Variants in ZNF444 observed in about 807,000 individuals in gnomAD.
The protein encoded by ZNF444 is endothelial zinc finger protein 2.
In ZNF444, 8 loss-of-function variants were observed where a neutral mutation model predicts 14.4. The observed-to-expected ratio is 0.56, with a 90% confidence interval of 0.33 to 1.00. ZNF444 has a LOEUF of 1.00. Ranked by LOEUF, ZNF444 falls within the 50% of genes least tolerant of loss-of-function variation. ZNF444 has a pLI of 0.03. For synonymous variants in ZNF444, 258 were observed against 235.9 expected (o/e 1.09, Z -0.86); for missense variants, 510 against 504.8 (o/e 1.01, Z -0.10).
In ZNF444 at chr19:56,160,084, C is replaced by G. The variant is rs374764030; in HGVS notation, c.867C>G (p.Arg289=). Reference sequence around the variant, plus strand: ...GGGAGTGTGGCAAGGGCTTCGGGCGCCGCGAGCACGTGCTGCGCCACCAGC... The same window carrying G: ...GGGAGTGTGGCAAGGGCTTCGGGCGGCGCGAGCACGTGCTGCGCCACCAGC... The part of the protein sequence containing the change: ...ACWECGKGFG[R]REHVLRHQRI... Residue 289 remains arginine, a synonymous_variant, in exon 5 of 5, where the codon CGC becomes CGG. Transcript: ENST00000337080. 2,005 of 1,499,740 alleles carry G rather than the reference C, an allele frequency of 1.3e-3. 28 individuals are homozygous for G. In the African/African-American group the frequency reaches 0.025, roughly 19 times the overall value. The allele number at this position is 1,499,740 out of a possible 1,614,324, so 92.9% of individuals were successfully genotyped here.
chr19:56,134,088 C>G (rs973590128), intron 1 of ZNF444, among the ~76,000 whole-genome samples: 1 of 152,092 alleles, frequency 6.6e-6, no homozygotes, highest in African/African-American at 2.4e-5. Flanking sequence ...GGTTCTCCCC[C>G]TCACACGCTC....
At position 56,159,739 on chromosome 19, in the gene ZNF444, G is replaced by A. The variant is rs2032157462; in HGVS notation, c.522G>A (p.Ala174=). The change falls in exon 5 of 5, where the codon GCG becomes GCA. Residue 174 remains alanine (A), a synonymous_variant. Coordinates refer to ENST00000337080, the MANE Select transcript of ZNF444 (RefSeq NM_018337.4). The stretch of plus-strand genomic sequence containing the variant: ...CGCCTGGCCTGCCCGCCTTCCTAGC[G>A]GCCCCGGGCACCACGTCCTGCCCCG... The part of the protein sequence containing the change: ...PLAPGLPAFL[A]APGTTSCPEC... 1.3e-5 allele frequency: 21 copies of A among 1,583,140 alleles called. No individual in the cohort carries two copies. Among genetic ancestry groups the A allele is most frequent in the Non-Finnish European group, 1.8e-5 (21 of 1,168,826 alleles).
rs887982562 is a variant in ZNF444, at chr19:56,147,491, G to T, written c.297+283G>T. Reference sequence around the variant, plus strand: ...CGGTCACGGCTTATCAGAGAAGGACGTGCTGGAAGCAGCTGGGAAGAAGGC... The same window carrying T: ...CGGTCACGGCTTATCAGAGAAGGACTTGCTGGAAGCAGCTGGGAAGAAGGC... On this transcript the variant is annotated intron_variant, in intron 3 of 4. Transcript: ENST00000337080. The surrounding 1 kb of genome is among the most constrained non-coding windows in gnomAD (Gnocchi z 5.9). 5.9e-5 allele frequency among the ~76,000 whole-genome samples: 9 copies of T among 152,128 alleles called. No individual in the cohort carries two copies. Among genetic ancestry groups the T allele is most frequent in the African/African-American group, 2.2e-4 (9 of 41,420 alleles).
At chr19:56,152,516 G>A (rs889936096) in intron 3 of ZNF444, among the ~76,000 whole-genome samples, 7 of 148,108 alleles carry the variant, frequency 4.7e-5, no homozygotes, top group African/African-American at 1.0e-4. Flanking sequence ...GCTGGTTTAC[G>A]TCTCTGAATA....
Position 56,158,558 on chromosome 19 carries a change from C to G in ZNF444, c.362C>G (p.Pro121Arg). ...TRVPQDVTQG[P>R]GATGGKEDSG... ...GTGCCTCAGGATGTGACGCAGGGCCCTGGGGCCACAGGTGGAAAGGAGGAC... is the reference window on the plus strand; with the variant it reads ...GTGCCTCAGGATGTGACGCAGGGCCGTGGGGCCACAGGTGGAAAGGAGGAC... The change falls in exon 4 of 5, where the codon CCT becomes CGT. Residue 121 changes from proline to arginine, a missense_variant. Physicochemically the swap from Pro to Arg is moderately radical, Grantham distance 103. Transcript: ENST00000337080. 5.6e-6 allele frequency: 9 copies of G among 1,612,090 alleles called. No individual in the cohort carries two copies. Among genetic ancestry groups the G allele is most frequent in the Non-Finnish European group, 7.6e-6 (9 of 1,179,032 alleles).
rs1192761220 is a variant in ZNF444 at position 56,160,018 on chromosome 19, C to G, written c.801C>G (p.Arg267=). The G allele has an allele frequency of 6.6e-7, 1 of 1,513,156 alleles. No individual in the cohort carries two copies. Among genetic ancestry groups the G allele is most frequent in the East Asian group, 2.6e-5 (1 of 38,130 alleles). 93.7% of individuals were successfully genotyped at this position (1,513,156 alleles called of 1,614,324 possible). ...KTFYWREHLV[R]HRKTHSGARP... is the part of the protein sequence containing the mutation. Reference sequence around the variant, plus strand: ...TCTACTGGCGCGAGCACCTGGTGCGCCACCGCAAGACGCACTCGGGAGCGC... The same window carrying G: ...TCTACTGGCGCGAGCACCTGGTGCGGCACCGCAAGACGCACTCGGGAGCGC... Residue 267 remains arginine (R), a synonymous_variant, in exon 5 of 5, where the codon CGC becomes CGG. Transcript: ENST00000337080.
At chr19:56,143,041 G>T (rs530670565) in intron 1 of ZNF444, among the ~76,000 whole-genome samples, 216 of 152,304 alleles carry the variant, frequency 1.4e-3, no homozygotes, top group Non-Finnish European at 2.5e-3. Flanking sequence ...TGTCTTCAAG[G>T]CATCCAGGGT....
chr19:56,147,326 GAGGCTGCGGTAC>G lies in ZNF444; in HGVS notation c.297+133_297+144del, dbSNP rs1045119163. The G allele has an allele frequency of 8.3e-5, 100 of 1,202,086 alleles. No homozygotes were observed. Among genetic ancestry groups the G allele is most frequent in the South Asian group, 1.1e-4 (6 of 54,288 alleles). The allele number at this position is 1,202,086 out of a possible 1,614,324, so 74.5% of individuals were successfully genotyped here. ...GAAAACCAGTGTGACTCGCGGTGGG[GAGGCTGCGGTAC>G]AGGCTGCGGTACAGCGTGGAGGGAC... On this transcript the variant is annotated intron_variant, in intron 3 of 4. Transcript: ENST00000337080. This position sits in a 1 kb window ranked among gnomAD's most constrained non-coding sequence, Gnocchi z 5.9.
rs113110780 is a variant in ZNF444 at position 56,144,325 on chromosome 19, A to C, written c.-196-1922A>C. ...CCCTGTCTTAAAAAAAAGAAAAAAG[A>C]AAAAAAGGGATCCATTGTGGCTGGA... is the stretch of plus-strand genomic sequence containing the variant. On this transcript the variant is annotated intron_variant, in intron 1 of 4. Transcript: ENST00000337080. The surrounding 1 kb of genome is among the most constrained non-coding windows in gnomAD (Gnocchi z 4.0). Among the ~76,000 whole-genome samples, 784 of 152,056 alleles carry C rather than the reference A, an allele frequency of 5.2e-3. 6 individuals carry two copies. The highest frequency in any genetic ancestry group is 6.8e-3 in the Non-Finnish European group (465 of 67,984).
chr19:56,160,534 C>T lies in ZNF444; in HGVS notation c.*333C>T. ...CCAGCCTCCCTCTCCCTCCTCCATT[C>T]CTCTCTCCCTGCCCTTTTCCTGCCT... On this transcript the variant is annotated 3_prime_UTR_variant, in exon 5 of 5. Transcript: ENST00000337080. 1 of 316,606 alleles carries T rather than the reference C, an allele frequency of 3.2e-6. No individual in the cohort carries two copies. The highest frequency in any genetic ancestry group is 5.8e-6 in the Non-Finnish European group (1 of 173,242). The allele number at this position is 316,606 out of a possible 1,614,324, so 19.6% of individuals were successfully genotyped here. A position where few individuals can be genotyped will look rare whatever the true frequency, so the allele number is the denominator to read the frequency against.
chr19:56,137,242 G>A (rs1044691048), upstream of ZNF444, among the ~76,000 whole-genome samples: 10 of 151,098 alleles, frequency 6.6e-5, no homozygotes, highest in Non-Finnish European at 1.3e-4. Context: ...AGGCCGAGGC[G>A]GGCGGATTAC....
In ZNF444 at chr19:56,144,806, G is replaced by A. The variant is rs2031066841; in HGVS notation, c.-196-1441G>A. On this transcript the variant is annotated intron_variant, in intron 1 of 4. Transcript: ENST00000337080. The surrounding 1 kb of genome is among the most constrained non-coding windows in gnomAD (Gnocchi z 4.0). Reference sequence around the variant, plus strand: ...GACCCCAAGTACAGGGCTCCACATAGGACAGAACTGATTCTTTTCTCCCAT... The same window carrying A: ...GACCCCAAGTACAGGGCTCCACATAAGACAGAACTGATTCTTTTCTCCCAT... Among the ~76,000 whole-genome samples, 1 of 152,226 alleles carries A rather than the reference G, an allele frequency of 6.6e-6. No homozygotes were observed. The highest frequency in any genetic ancestry group is 1.5e-5 in the Non-Finnish European group (1 of 68,040).
At chr19:56,148,060 G>C (rs2031315008) in intron 3 of ZNF444, among the ~76,000 whole-genome samples, 1 of 152,186 alleles carries the variant, frequency 6.6e-6, no homozygotes, top group Non-Finnish European at 1.5e-5. Flanking sequence ...GATGTGTTAT[G>C]TGAGCTGCAC....
chr19:56,157,120 A>C (rs1033659098), intron 3 of ZNF444: 1 of 152,486 alleles, frequency 6.6e-6, no homozygotes, highest in Non-Finnish European at 1.5e-5. Flanking sequence ...CCAAGGGCCA[A>C]GGAGCTGGAG....
chr19:56,158,690 AC>A, intron 4 of ZNF444, 88 bp downstream of exon 4: 1 of 1,213,424 alleles, frequency 8.2e-7, no homozygotes, highest in African/African-American at 1.5e-5. Context: ...AGGACCCAGG[AC>A]AAGGACAGAC....
upstream of ZNF444, among the ~76,000 whole-genome samples, chr19:56,138,031 G>A (rs918559216): frequency 2.0e-5 from 3 of 152,170 alleles, no homozygotes; most frequent in East Asian, 5.8e-4. Context: ...GGCTGAGGTA[G>A]GAGAATCGCT....
Position 56,159,902 on chromosome 19 carries a change from CACCCCGGCA to C in ZNF444, c.686_694del (p.His229_Ser232delinsArg), listed in dbSNP as rs1314549916. 5 of 1,514,946 alleles carry C rather than the reference CACCCCGGCA, an allele frequency of 3.3e-6. No homozygotes were observed. Among genetic ancestry groups the C allele is most frequent in the Non-Finnish European group, 3.5e-6 (4 of 1,138,322 alleles). The allele number at this position is 1,514,946 out of a possible 1,614,324, so 93.8% of individuals were successfully genotyped here. A position where few individuals can be genotyped will look rare whatever the true frequency, so the allele number is the denominator to read the frequency against. On this transcript the variant is annotated inframe_deletion, in exon 5 of 5. Coordinates refer to ENST00000337080, the MANE Select transcript of ZNF444 (RefSeq NM_018337.4). ...GCACCTGCGGCGCCACCGCGACACG[CACCCCGGCA>C]GCCCCGGCAGCCCCGGGCCCGCGCT...
chr19:56,153,833 G>A (rs2031734941), intron 3 of ZNF444, among the ~76,000 whole-genome samples: 1 of 152,204 alleles, frequency 6.6e-6, no homozygotes, highest in Admixed American at 6.5e-5. Flanking sequence ...AGGCCCTGGG[G>A]CTCCAGAGGC....
upstream of ZNF444, among the ~76,000 whole-genome samples, chr19:56,136,334 C>A (rs2123452787): frequency 6.6e-6 from 1 of 152,268 alleles, no homozygotes; most frequent in Non-Finnish European, 1.5e-5. Flanking sequence ...GTACTCTGTC[C>A]ACCCTCGGAT....
Sources: gnomAD v4.1 joint callset for allele counts (sites outside exome capture counted in the v4.1 genomes callset) on GRCh38, gnomAD v4.1.1 for gene constraint, Gnocchi (gnomAD v3.1) non-coding constraint, MANE v1.5 for transcripts, NCBI Gene and HGNC (gene_info 2026-07-23, HGNC 2026-07-21) for gene names.